Variants in UNC5C observed in about 807,000 individuals in gnomAD.
UNC5C encodes unc-5 netrin receptor C.
Under a neutral mutation model 99.8 loss-of-function variants are expected in UNC5C, and 47 were observed. The ratio of observed to expected loss-of-function variants is 0.47; its 90% CI spans 0.37 to 0.60. UNC5C has a LOEUF of 0.60. Ranked by LOEUF, UNC5C falls within the 20% of genes least tolerant of loss-of-function variation. The probability of loss-of-function intolerance (pLI) is 0.00; values close to 1 mark genes in which losing one functional copy is unlikely to be tolerated. For synonymous variants in UNC5C, 487 were observed against 452.2 expected, an observed-to-expected ratio of 1.08 and a Z score of -0.98; for missense variants, 1,062 against 1,165.9, an observed-to-expected ratio of 0.91 and a Z score of 1.30.
chr4:95,219,670 A>T (rs1738393667), intron 8 of UNC5C, among the ~76,000 whole-genome samples: 1 of 152,192 alleles, frequency 6.6e-6, no homozygotes, highest in Non-Finnish European at 1.5e-5. Flanking sequence ...CATTCTATTC[A>T]TAGCAATACA....
intron 11 of UNC5C, 21 bp downstream of exon 11, chr4:95,206,607 T>C (rs763763344): frequency 1.2e-6 from 2 of 1,613,884 alleles, no homozygotes; most frequent in Non-Finnish European, 1.7e-6. Context: ...GCATAGCATC[T>C]TTATCCCGAC....
chr4:95,185,998 A>G (rs1336097989), intron 12 of UNC5C, among the ~76,000 whole-genome samples: 3 of 152,184 alleles, frequency 2.0e-5, no homozygotes, highest in Non-Finnish European at 2.9e-5. Flanking sequence ...GACAGATTCT[A>G]TATATACTTC....
At chr4:95,175,686 T>G (rs2149346253) in intron 14 of UNC5C, among the ~76,000 whole-genome samples, 1 of 152,304 alleles carries the variant, frequency 6.6e-6, no homozygotes, top group African/African-American at 2.4e-5. Flanking sequence ...ATTTTTTCCT[T>G]CATTTCAACT....
At chr4:95,182,569 G>A (rs1415820668) in intron 14 of UNC5C, among the ~76,000 whole-genome samples, 1 of 152,114 alleles carries the variant, frequency 6.6e-6, no homozygotes, top group East Asian at 1.9e-4. Flanking sequence ...GATGCATGGG[G>A]AGAAGTTACT....
At chr4:95,207,824 C>T (rs1040359608) in intron 10 of UNC5C, among the ~76,000 whole-genome samples, 40 of 152,194 alleles carry the variant, frequency 2.6e-4, no homozygotes, top group African/African-American at 7.7e-4. Context: ...GCTAAAAGGT[C>T]ACCTCGTTTA....
At chr4:95,308,349 A>T (rs947850957) in intron 2 of UNC5C, among the ~76,000 whole-genome samples, 1 of 152,220 alleles carries the variant, frequency 6.6e-6, no homozygotes, top group Non-Finnish European at 1.5e-5. Flanking sequence ...AATCCCATGT[A>T]TAATAGCTAT....
At chr4:95,376,964 A>C (rs1049769598) in intron 1 of UNC5C, among the ~76,000 whole-genome samples, 3 of 152,188 alleles carry the variant, frequency 2.0e-5, no homozygotes, top group Non-Finnish European at 4.4e-5. Context: ...GTTTTAAGCC[A>C]GCGAAGTGCT....
At chr4:95,409,520 A>G (rs1745921356) in intron 1 of UNC5C, among the ~76,000 whole-genome samples, 1 of 152,210 alleles carries the variant, frequency 6.6e-6, no homozygotes, top group Admixed American at 6.5e-5. Context: ...AATAAAATAC[A>G]CACTTGTGTA....
At chr4:95,347,468 G>T (rs1335269959) in intron 1 of UNC5C, among the ~76,000 whole-genome samples, 1 of 151,886 alleles carries the variant, frequency 6.6e-6, no homozygotes, top group Non-Finnish European at 1.5e-5. Flanking sequence ...TGAGCAAAAA[G>T]AACAAAACTG....
chr4:95,365,295 CAA>C (rs11332755), intron 1 of UNC5C, among the ~76,000 whole-genome samples: 5,673 of 107,984 alleles, frequency 0.053, 364 homozygotes, highest in African/African-American at 0.17. Flanking sequence ...GAATCTGTCT[CAA>C]AAAAAAAAAA....
At chr4:95,214,532 G>A (rs1467701836) in intron 10 of UNC5C, among the ~76,000 whole-genome samples, 5 of 152,074 alleles carry the variant, frequency 3.3e-5, no homozygotes, top group Admixed American at 6.6e-5. Flanking sequence ...ATCCTGGTTC[G>A]GCTGCCAAGG....
At chr4:95,542,679 C>G (rs1435219716) in intron 1 of UNC5C, among the ~76,000 whole-genome samples, 1 of 151,996 alleles carries the variant, frequency 6.6e-6, no homozygotes, top group Non-Finnish European at 1.5e-5. Flanking sequence ...TTTTTTAATT[C>G]TGAAATTTCA....
intron 1 of UNC5C, among the ~76,000 whole-genome samples, chr4:95,496,241 T>C (rs1481042063): frequency 6.6e-6 from 1 of 151,814 alleles, no homozygotes; most frequent in Non-Finnish European, 1.5e-5. Context: ...AAACATTTAC[T>C]GAGCCTCAGA....
At chr4:95,426,028 A>G (rs1746474106) in intron 1 of UNC5C, among the ~76,000 whole-genome samples, 1 of 152,128 alleles carries the variant, frequency 6.6e-6, no homozygotes, top group Admixed American at 6.5e-5. Context: ...GGCATACTTG[A>G]TTTTATTGCA....
intron 3 of UNC5C, among the ~76,000 whole-genome samples, chr4:95,300,520 T>C (rs1741828679): frequency 6.6e-6 from 1 of 152,184 alleles, no homozygotes; most frequent in Admixed American, 6.6e-5. Flanking sequence ...AGAAGCTTTA[T>C]CTTGGTAATC....
intron 2 of UNC5C, among the ~76,000 whole-genome samples, chr4:95,326,813 G>T (rs1304842178): frequency 6.6e-6 from 1 of 152,026 alleles, no homozygotes; most frequent in African/African-American, 2.4e-5. Context: ...ATAAATTTTT[G>T]TTTAAGTTTT....
chr4:95,314,761 A>T (rs1742409739), intron 2 of UNC5C, among the ~76,000 whole-genome samples: 1 of 152,216 alleles, frequency 6.6e-6, no homozygotes. Flanking sequence ...CTGTGGTTTC[A>T]GTTTTATCTC....
In UNC5C at chr4:95,461,307, G is replaced by T. The variant is rs1431183993; in HGVS notation, c.124+87427C>A. On this transcript the variant is annotated intron_variant, in intron 1 of 15. Transcript: ENST00000453304. The stretch of plus-strand genomic sequence containing the variant: ...TGATACAGTCCTTTTCCAACATGAA[G>T]CACAAGGCAAGAGCAAGTTGAATAG... 6.2e-5 allele frequency among the ~76,000 whole-genome samples: 6 copies of T among 97,430 alleles called. 2 individuals carry two copies. Among genetic ancestry groups the T allele is most frequent in the South Asian group, 7.5e-4 (2 of 2,678 alleles). The allele number at this position is 97,430 out of a possible 152,430, so 63.9% of individuals were successfully genotyped here. A position where few individuals can be genotyped will look rare whatever the true frequency, so the allele number is the denominator to read the frequency against.
chr4:95,269,435 C>T (rs1457423467), intron 4 of UNC5C, among the ~76,000 whole-genome samples: 1 of 152,128 alleles, frequency 6.6e-6, no homozygotes, highest in Non-Finnish European at 1.5e-5. Flanking sequence ...GCACACACCG[C>T]CATGCCTGGC....
Sources: allele counts gnomAD v4.1 joint callset (sites outside exome capture counted in the v4.1 genomes callset), GRCh38; gene constraint gnomAD v4.1.1; transcripts MANE v1.5; gene names NCBI Gene and HGNC (gene_info 2026-07-23, HGNC 2026-07-21).